KDSR: variants seen among roughly 807,000 people sequenced by gnomAD.
KDSR encodes 3-dehydrosphinganine reductase.
KDSR carries 23 observed loss-of-function variants against 41.3 expected under a neutral mutation model. The ratio of observed to expected loss-of-function variants is 0.56; its 90% CI spans 0.40 to 0.79. KDSR has a LOEUF of 0.79. Ranked by LOEUF, KDSR falls within the 30% of genes least tolerant of loss-of-function variation. The pLI is 0.00. For synonymous variants in KDSR, 138 were observed against 151.7 expected (o/e 0.91, Z 0.66); for missense variants, 351 against 416.8 (o/e 0.84, Z 1.37).
chr18:63,347,444 C>T (rs1363858749), intron 6 of KDSR, among the ~76,000 whole-genome samples: 2 of 140,418 alleles, frequency 1.4e-5, no homozygotes, highest in Non-Finnish European at 3.0e-5. Context: ...TTCAGTGAAC[C>T]GAGATCACAC....
rs1914259492 is a variant in KDSR, at chr18:63,338,811, T to A, written c.766A>T (p.Lys256Ter). 1 of 1,604,436 alleles carries A rather than the reference T, an allele frequency of 6.2e-7. No individual in the cohort carries two copies. Among genetic ancestry groups the A allele is most frequent in the African/African-American group, 1.3e-5 (1 of 74,600 alleles). Residue 256 changes from lysine (K) to a stop codon, truncating the protein, a stop_gained, in exon 8 of 10, where the codon AAA (lysine) becomes TAA (stop). Coordinates refer to ENST00000645214, the MANE Select transcript of KDSR (RefSeq NM_002035.4). LOFTEE classifies it high-confidence loss of function. ...KPEQVAKQIV[K>*]DAIQGNFNSS... ...AGGATTTTACTTACTATGGCATCTT[T>A]AACAATTTGTTTGGCCACCTGTTCT...
At chr18:63,361,017 A>ATATATATATATAAAACATATATAT (rs761703297) in intron 2 of KDSR, among the ~76,000 whole-genome samples, 1 of 106,900 alleles carries the variant, frequency 9.4e-6, no homozygotes, top group Non-Finnish European at 1.7e-5. Flanking sequence ...TATATATATA[A>ATATATATATATAAAACATATATAT]AATATATAAT....
At chr18:63,354,483 C>T (rs1036612183) in intron 5 of KDSR, among the ~76,000 whole-genome samples, 2 of 152,206 alleles carry the variant, frequency 1.3e-5, no homozygotes, top group East Asian at 1.9e-4. Flanking sequence ...GCCGGGCCAA[C>T]GTGGCGTAAA....
intron 5 of KDSR, among the ~76,000 whole-genome samples, 191 bp from the exon 6 acceptor site, chr18:63,351,270 G>A (rs145867636): frequency 2.7e-5 from 4 of 148,878 alleles, no homozygotes; most frequent in Non-Finnish European, 6.0e-5. Context: ...AGCATTTGAA[G>A]ACTCAGGACC....
At chr18:63,347,551 G>C (rs1914546398) in intron 6 of KDSR, among the ~76,000 whole-genome samples, 1 of 147,954 alleles carries the variant, frequency 6.8e-6, no homozygotes, top group South Asian at 2.2e-4. Flanking sequence ...AATCCACATA[G>C]GATGTGCTGT....
chr18:63,335,214 T>C, intron 9 of KDSR, 43 bp downstream of exon 9: 1 of 1,321,488 alleles, frequency 7.6e-7, no homozygotes, highest in Non-Finnish European at 1.1e-6. Context: ...AGTTTTTCTC[T>C]TGTCCATCGG....
rs749358661 is a variant in KDSR at position 63,335,345 on chromosome 18, T to C, written c.791A>G (p.Asn264Ser). Residue 264 changes from asparagine (N) to serine (S), a missense_variant, in exon 9 of 10, where the codon AAC becomes AGC. Transcript: ENST00000645214. ...IVKDAIQGNF[N>S]SSLGSDGYML... The stretch of plus-strand genomic sequence containing the variant: ...GTACCCATCTGAGCCAAGGGAACTG[T>C]TGAAATTTCCTTGCTAAAAGAGAAG... The C allele has an allele frequency of 8.1e-6, 13 of 1,612,600 alleles. No individual in the cohort carries two copies. In the East Asian group the frequency reaches 2.0e-4, roughly 25 times the overall value.
intron 7 of KDSR, among the ~76,000 whole-genome samples, chr18:63,343,018 C>T (rs190034574): frequency 1.2e-3 from 183 of 152,282 alleles, no homozygotes; most frequent in African/African-American, 4.1e-3. Context: ...CCACGTAAGA[C>T]GTACCTGCTT....
intron 7 of KDSR, among the ~76,000 whole-genome samples, chr18:63,343,794 C>A (rs1914418801): frequency 6.6e-6 from 1 of 151,392 alleles, no homozygotes. Context: ...AAATGGCTAC[C>A]TCTAGGGAGT....
Position 63,331,310 on chromosome 18 carries a change from CAGAGAGACAGAGAGACAGAGAGAGAGAG to C in KDSR, c.*444_*471del, listed in dbSNP as rs1184742991. The C allele has an allele frequency of 4.4e-6, 1 of 225,918 alleles. No homozygotes were observed. The highest frequency in any genetic ancestry group is 6.0e-5 in the Admixed American group (1 of 16,758). The allele number at this position is 225,918 out of a possible 1,614,324, so 14.0% of individuals were successfully genotyped here. A position where few individuals can be genotyped will look rare whatever the true frequency, so the allele number is the denominator to read the frequency against. On this transcript the variant is annotated 3_prime_UTR_variant, in exon 10 of 10. Transcript: ENST00000645214. ...ACAGAGAGACAGAGAGACAGAGAGA[CAGAGAGACAGAGAGACAGAGAGAGAGAG>C]AGAGAGAACCCGAGAAACCGAAAAT...
Position 63,367,178 on chromosome 18 carries a change from G to C in KDSR, c.-60C>G, listed in dbSNP as rs1402109248. ...CGGGGGCCGCCGGGCAAGGCGCGCAGGGCTGGGCTGCGGCGAGGCGAGAAT... is the reference window on the plus strand; with the variant it reads ...CGGGGGCCGCCGGGCAAGGCGCGCACGGCTGGGCTGCGGCGAGGCGAGAAT... On this transcript the variant is annotated 5_prime_UTR_variant, in exon 1 of 10. Coordinates refer to ENST00000645214, the MANE Select transcript of KDSR (RefSeq NM_002035.4). The C allele has an allele frequency of 1.1e-6, 1 of 896,180 alleles. No homozygotes were observed. The highest frequency in any genetic ancestry group is 1.8e-5 in the African/African-American group (1 of 56,944). 55.5% of individuals were successfully genotyped at this position (896,180 alleles called of 1,614,324 possible).
chr18:63,332,909 G>A (rs1466587237), intron 9 of KDSR, among the ~76,000 whole-genome samples: 2 of 150,898 alleles, frequency 1.3e-5, no homozygotes, highest in Admixed American at 1.3e-4. Flanking sequence ...ACTGAAGCCA[G>A]TCCTTGGATC....
chr18:63,361,489 G>A (rs938251486), intron 2 of KDSR, among the ~76,000 whole-genome samples: 6 of 152,024 alleles, frequency 3.9e-5, no homozygotes, highest in African/African-American at 1.5e-4. Context: ...ATAAAAGGTA[G>A]CTAATTTTGT....
At chr18:63,362,323 T>C (rs1195206111) in intron 2 of KDSR, among the ~76,000 whole-genome samples, 2 of 152,188 alleles carry the variant, frequency 1.3e-5, no homozygotes, top group Non-Finnish European at 2.9e-5. Flanking sequence ...AGGGACGAGG[T>C]TCCTCTATGG....
chr18:63,337,114 A>C (rs28882822), intron 8 of KDSR, among the ~76,000 whole-genome samples: 26 of 2,150 alleles, frequency 0.012, no homozygotes, highest in African/African-American at 0.021. Flanking sequence ...ATATATGTGA[A>C]TATATATATA....
chr18:63,331,573 C>T lies in KDSR; in HGVS notation c.*209G>A, dbSNP rs1187975840. On this transcript the variant is annotated 3_prime_UTR_variant, in exon 10 of 10. Coordinates refer to ENST00000645214, the MANE Select transcript of KDSR (RefSeq NM_002035.4). ...CACAAAGCCTAGAAAATCAAATGGT[C>T]TCCTATTCCATATTTGCATAGTATT... is the stretch of plus-strand genomic sequence containing the variant. 2 of 437,234 alleles carry T rather than the reference C, an allele frequency of 4.6e-6. No individual in the cohort carries two copies. Among genetic ancestry groups the T allele is most frequent in the East Asian group, 7.0e-5 (2 of 28,568 alleles). 27.1% of individuals were successfully genotyped at this position (437,234 alleles called of 1,614,324 possible).
intron 2 of KDSR, among the ~76,000 whole-genome samples, chr18:63,362,355 A>G (rs1183007387): frequency 6.6e-6 from 1 of 152,288 alleles, no homozygotes; most frequent in African/African-American, 2.4e-5. Flanking sequence ...CACTAGAGAT[A>G]TATATCATGT....
rs201044231 is a variant in KDSR, at chr18:63,338,870, C to G, written c.707G>C (p.Arg236Pro). The G allele has an allele frequency of 6.2e-7, 1 of 1,604,992 alleles. No individual in the cohort carries two copies. The highest frequency in any genetic ancestry group is 2.2e-5 in the East Asian group (1 of 44,750). The change falls in exon 8 of 10, where the codon CGA becomes CCA. Residue 236 changes from arginine to proline, a missense_variant. By Grantham distance (103) the Arg-to-Pro change is moderately radical. Coordinates refer to ENST00000645214, the MANE Select transcript of KDSR (RefSeq NM_002035.4). ...EENRTKPLET[R>P]LISETTSVCK... is the part of the protein sequence containing the mutation. ...CACAGATGTGGTCTCTGAAATAAGT[C>G]GAGTCTCCAAAGGCTAAAAGTGGAA...
rs1138488 is a variant in KDSR at position 63,331,286 on chromosome 18, C to G, written c.*496G>C. 0.19 allele frequency: 5,002 copies of G among 25,856 alleles called. 191 individuals are homozygous for G. Among genetic ancestry groups the G allele is most frequent in the African/African-American group, 0.35 (4,146 of 11,694 alleles). 1.6% of individuals were successfully genotyped at this position (25,856 alleles called of 1,614,324 possible). On this transcript the variant is annotated 3_prime_UTR_variant, in exon 10 of 10. Coordinates refer to ENST00000645214, the MANE Select transcript of KDSR (RefSeq NM_002035.4). ...AAAGAAAGAGAGAGAGAGAGAGAGA[C>G]AGAGAGACAGAGAGACAGAGAGACA...
Sources: gnomAD v4.1 joint callset for allele counts (sites outside exome capture counted in the v4.1 genomes callset) on GRCh38, gnomAD v4.1.1 for gene constraint, MANE v1.5 for transcripts, NCBI Gene and HGNC (gene_info 2026-07-23, HGNC 2026-07-21) for gene names.